NXN: variants seen among roughly 807,000 people sequenced by gnomAD.
NXN encodes the protein nucleoredoxin 1.
A neutral mutation model predicts 48.6 loss-of-function variants in NXN; 16 were observed. The observed-to-expected ratio is 0.33, with a 90% confidence interval of 0.22 to 0.50. NXN has a LOEUF of 0.50. Ranked by LOEUF, NXN falls within the 20% of genes least tolerant of loss-of-function variation. The pLI, the probability that NXN is intolerant of heterozygous loss-of-function variation, is 0.98. For missense variants in NXN, 492 were observed against 605.5 expected (o/e 0.81, Z 1.97); for synonymous variants, 281 against 269.6 (o/e 1.04, Z -0.41).
rs1481580349 is a variant in NXN at position 920,240 on chromosome 17, C to T, written c.360+59079G>A. The stretch of plus-strand genomic sequence containing the variant: ...AACATTACAAACTTATCAATGCTGC[C>T]TCCTGTCATCTCCCCCCGCCCCTGG... On this transcript the variant is annotated intron_variant, in intron 1 of 7. Transcript: ENST00000336868. This position sits in a 1 kb window ranked among gnomAD's most constrained non-coding sequence, Gnocchi z 4.6. Among the ~76,000 whole-genome samples, 1 of 152,150 alleles carries T rather than the reference C, an allele frequency of 6.6e-6. No individual in the cohort carries two copies. Among genetic ancestry groups the T allele is most frequent in the East Asian group, 1.9e-4 (1 of 5,190 alleles).
intron 1 of NXN, among the ~76,000 whole-genome samples, chr17:935,627 A>G (rs188351255): frequency 6.6e-6 from 1 of 152,264 alleles, no homozygotes; most frequent in East Asian, 1.9e-4. Context: ...TACTGTGTCT[A>G]AGACCCTGAG....
At chr17:907,165 A>T (rs2068588936) in intron 1 of NXN, among the ~76,000 whole-genome samples, 1 of 152,056 alleles carries the variant, frequency 6.6e-6, no homozygotes, top group Non-Finnish European at 1.5e-5. Context: ...CAAGAGAATT[A>T]ATTAGACTCG....
intron 1 of NXN, among the ~76,000 whole-genome samples, chr17:841,617 CTCACACGGGCAAGCAGGTCCACCCT>C: frequency 3.1e-5 from 4 of 127,958 alleles, no homozygotes; most frequent in African/African-American, 1.3e-4. Flanking sequence ...CACAGAGCAT[CTCACACGGGCAAGCAGGTCCACCCT>C]GACCACAGCG....
chr17:858,113 G>A (rs2068004829), intron 1 of NXN, among the ~76,000 whole-genome samples: 1 of 151,966 alleles, frequency 6.6e-6, no homozygotes. Flanking sequence ...GGGGTCACAG[G>A]TATGCACCAC....
intron 1 of NXN, among the ~76,000 whole-genome samples, chr17:969,393 G>T (rs1409474921): frequency 1.3e-5 from 2 of 152,122 alleles, no homozygotes; most frequent in African/African-American, 4.8e-5. Flanking sequence ...CGTCTACTAT[G>T]GAACACACTT....
intron 1 of NXN, among the ~76,000 whole-genome samples, chr17:955,541 AG>A (rs1177582974): frequency 6.6e-6 from 1 of 151,344 alleles, no homozygotes; most frequent in Non-Finnish European, 1.5e-5. Flanking sequence ...AAAGGCTACC[AG>A]GAAAACTGCC....
intron 1 of NXN, chr17:842,399 C>G (rs1452638003): frequency 2.2e-6 from 1 of 447,986 alleles, no homozygotes; most frequent in East Asian, 1.6e-4. Flanking sequence ...AAATGCAGTG[C>G]TGCACATGGC....
chr17:883,199 C>T (rs2068304645), intron 1 of NXN, among the ~76,000 whole-genome samples: 1 of 152,160 alleles, frequency 6.6e-6, no homozygotes, highest in South Asian at 2.1e-4. Context: ...CTCTCCTGCC[C>T]ATTCCTTCTC....
chr17:806,393 C>A (rs1911527303), intron 5 of NXN, among the ~76,000 whole-genome samples: 2 of 152,152 alleles, frequency 1.3e-5, no homozygotes, highest in African/African-American at 4.8e-5. Context: ...CAACCCCAGC[C>A]AAAAAGCCTT....
chr17:836,963 C>T (rs1597647392), intron 1 of NXN, among the ~76,000 whole-genome samples: 1 of 144,874 alleles, frequency 6.9e-6, no homozygotes, highest in African/African-American at 2.6e-5. Context: ...AGCTTAGTTG[C>T]TATTATTATT....
At chr17:916,149 C>G (rs946763551) in intron 1 of NXN, among the ~76,000 whole-genome samples, 2 of 152,178 alleles carry the variant, frequency 1.3e-5, no homozygotes, top group Admixed American at 6.5e-5. Context: ...TAACCTCCAG[C>G]AAAACTCTAG....
intron 1 of NXN, among the ~76,000 whole-genome samples, chr17:832,324 C>CCCG (rs1468647747): frequency 6.6e-6 from 1 of 151,496 alleles, no homozygotes; most frequent in Non-Finnish European, 1.5e-5. Flanking sequence ...ACTACAGGTG[C>CCCG]CCGCCACCAC....
chr17:979,571 G>C lies in NXN; in HGVS notation c.108C>G (p.Leu36=). The change falls in exon 1 of 8, where the codon CTC becomes CTG. Residue 36 remains leucine (L), a synonymous_variant. Coordinates refer to ENST00000336868, the MANE Select transcript of NXN (RefSeq NM_022463.5). ...GGGCGCTGAGGCTGCAGCCGAAGTA[G>C]AGACCCAGCAGCGAGATGCCGCGGG... is the stretch of plus-strand genomic sequence containing the variant. ...LGARGISLLG[L]YFGCSLSAPC... is the part of the protein sequence containing the mutation. 1 of 1,416,122 alleles carries C rather than the reference G, an allele frequency of 7.1e-7. No homozygotes were observed. 87.7% of individuals were successfully genotyped at this position (1,416,122 alleles called of 1,614,324 possible).
At chr17:865,210 T>C (rs1367867326) in intron 1 of NXN, among the ~76,000 whole-genome samples, 1 of 151,552 alleles carries the variant, frequency 6.6e-6, no homozygotes, top group Non-Finnish European at 1.5e-5. Context: ...CAAGGGAAAC[T>C]ATTGGTATTA....
intron 1 of NXN, among the ~76,000 whole-genome samples, chr17:930,617 C>T (rs1567506253): frequency 6.6e-6 from 1 of 152,054 alleles, no homozygotes; most frequent in African/African-American, 2.4e-5. Context: ...GAAGGAAGTG[C>T]AGGAGACCTG....
intron 1 of NXN, among the ~76,000 whole-genome samples, chr17:929,199 C>T (rs1242826107): frequency 3.9e-5 from 6 of 152,216 alleles, no homozygotes; most frequent in East Asian, 3.8e-4. Context: ...TGGAGGTGAG[C>T]GCCGGCTTTC....
At chr17:823,874 A>C in intron 2 of NXN, 109 bp from the exon 3 acceptor site, 1 of 1,108,530 alleles carries the variant, frequency 9.0e-7, no homozygotes, top group Non-Finnish European at 1.3e-6. Flanking sequence ...GGGACCCGGG[A>C]GACCTCAGAG....
intron 2 of NXN, among the ~76,000 whole-genome samples, chr17:824,812 A>T (rs687441): frequency 0.67 from 101,842 of 151,724 alleles, 35,018 homozygotes; most frequent in African/African-American, 0.82. Flanking sequence ...GGGTGGTCCA[A>T]GGACCTGCTG....
At chr17:843,056 G>T (rs1008994987) in intron 1 of NXN, among the ~76,000 whole-genome samples, 13 of 107,220 alleles carry the variant, frequency 1.2e-4, no homozygotes, top group Non-Finnish European at 2.4e-4. Flanking sequence ...AAGAAAGAAA[G>T]AAGGAAGAAA....
Sources: gnomAD v4.1 joint callset for allele counts (sites outside exome capture counted in the v4.1 genomes callset) on GRCh38, gnomAD v4.1.1 for gene constraint, Gnocchi (gnomAD v3.1) non-coding constraint, MANE v1.5 for transcripts, NCBI Gene and HGNC (gene_info 2026-07-23, HGNC 2026-07-21) for gene names.